Variants in CNTN4 observed in about 807,000 individuals in gnomAD.
CNTN4 encodes the protein contactin 4.
CNTN4 carries 77 observed loss-of-function variants against 122.5 expected under a neutral mutation model. The ratio of observed to expected loss-of-function variants is 0.63; its 90% confidence interval spans 0.52 to 0.76. The LOEUF is 0.76. Among genes scored for constraint, CNTN4 ranks in the 30% least tolerant of loss-of-function variants. CNTN4 has a pLI of 0.00. For missense variants in CNTN4, 1,256 were observed against 1,259.1 expected, an observed-to-expected ratio of 1.00 and a Z score of 0.04; for synonymous variants, 512 against 447.0, an observed-to-expected ratio of 1.15 and a Z score of -1.83.
chr3:2,797,594 G>A (rs972334114), intron 6 of CNTN4, among the ~76,000 whole-genome samples: 3 of 152,010 alleles, frequency 2.0e-5, no homozygotes, highest in African/African-American at 4.8e-5. Flanking sequence ...GCGAAACTCC[G>A]CCTCAAAAAC....
intron 2 of CNTN4, among the ~76,000 whole-genome samples, chr3:2,274,190 C>G (rs181672008): frequency 6.6e-6 from 1 of 152,096 alleles, no homozygotes; most frequent in Non-Finnish European, 1.5e-5. Context: ...CAAAACCAGC[C>G]TGTCCAACAT....
intron 3 of CNTN4, among the ~76,000 whole-genome samples, chr3:2,446,154 T>G (rs1182576448): frequency 1.3e-5 from 2 of 152,192 alleles, no homozygotes; most frequent in Non-Finnish European, 2.9e-5. Context: ...AAAATTCCCC[T>G]TAACCTTGGA....
At position 2,188,448 on chromosome 3, in the gene CNTN4, G is replaced by C. The variant is rs555336708; in HGVS notation, c.-145+87809G>C. Among the ~76,000 whole-genome samples, 3 of 152,272 alleles carry C rather than the reference G, an allele frequency of 2.0e-5. No homozygotes were observed. In the South Asian group the frequency reaches 6.2e-4, roughly 32 times the overall value. ...TAGGATGAAAAGGTCAAGTTCTCCT[G>C]AGGAAGATTGGGAGCTGGAGGGATG... On this transcript the variant is annotated intron_variant, in intron 2 of 24. Coordinates refer to ENST00000418658, the MANE Select transcript of CNTN4 (RefSeq NM_175607.3).
chr3:2,290,916 G>A (rs1035767536), intron 2 of CNTN4, among the ~76,000 whole-genome samples: 7 of 152,086 alleles, frequency 4.6e-5, no homozygotes, highest in Non-Finnish European at 8.8e-5. Flanking sequence ...AAGAAAAATC[G>A]ACACTATAGG....
chr3:2,463,580 T>A (rs960300488), intron 3 of CNTN4, among the ~76,000 whole-genome samples: 1 of 152,014 alleles, frequency 6.6e-6, no homozygotes, highest in African/African-American at 2.4e-5. Context: ...GGCAACATGG[T>A]GAAACCCCAT....
chr3:2,821,203 C>T (rs1357280465), intron 7 of CNTN4, among the ~76,000 whole-genome samples: 4 of 152,018 alleles, frequency 2.6e-5, no homozygotes, highest in African/African-American at 7.3e-5. Flanking sequence ...GTGATCCACC[C>T]ACCTTGGCCT....
At chr3:2,636,291 G>A (rs2082654938) in intron 4 of CNTN4, among the ~76,000 whole-genome samples, 1 of 152,186 alleles carries the variant, frequency 6.6e-6, no homozygotes, top group Admixed American at 6.5e-5. Flanking sequence ...TCAGGCATCA[G>A]AATGTACTTC....
At chr3:2,913,408 C>G (rs2094322030) in intron 12 of CNTN4, among the ~76,000 whole-genome samples, 1 of 152,142 alleles carries the variant, frequency 6.6e-6, no homozygotes, top group Admixed American at 6.5e-5. Context: ...TATATGCTCT[C>G]TGTAAGAGAC....
At chr3:2,842,802 TCTTGGTACC>T (rs2093387037) in intron 7 of CNTN4, among the ~76,000 whole-genome samples, 1 of 152,214 alleles carries the variant, frequency 6.6e-6, no homozygotes, top group African/African-American at 2.4e-5. Context: ...GCTATAACTC[TCTTGGTACC>T]CCCTTTAAAT....
At chr3:2,685,148 C>T (rs1048556245) in intron 4 of CNTN4, among the ~76,000 whole-genome samples, 10 of 152,034 alleles carry the variant, frequency 6.6e-5, no homozygotes, top group Non-Finnish European at 1.5e-4. Context: ...TGGTCTTTAA[C>T]CTAAAAATGT....
rs151131462 is a variant in CNTN4, at chr3:2,392,017, C to T, written c.-89+52784C>T. On this transcript the variant is annotated intron_variant, in intron 3 of 24. Coordinates refer to ENST00000418658, the MANE Select transcript of CNTN4 (RefSeq NM_175607.3). ...TATGTTAGAATTATTGTAGCTGCTT[C>T]TTATGCATCTCAGATTAGAACTGAA... Among the ~76,000 whole-genome samples the T allele has an allele frequency of 6.0e-3, 910 of 152,250 alleles. 11 individuals are homozygous for T. The highest frequency in any genetic ancestry group is 0.021 in the African/African-American group (875 of 41,558).
intron 3 of CNTN4, among the ~76,000 whole-genome samples, chr3:2,448,869 T>G (rs1176494039): frequency 6.6e-6 from 1 of 152,188 alleles, no homozygotes; most frequent in Non-Finnish European, 1.5e-5. Flanking sequence ...AAGCATCGTG[T>G]GAATGATGAG....
At chr3:2,933,775 T>C (rs1210697745) in intron 13 of CNTN4, among the ~76,000 whole-genome samples, 6 of 152,092 alleles carry the variant, frequency 3.9e-5, no homozygotes, top group Non-Finnish European at 8.8e-5. Flanking sequence ...AAACTGGAAG[T>C]ATAGATCTGA....
intron 2 of CNTN4, among the ~76,000 whole-genome samples, chr3:2,263,241 G>A (rs1206960274): frequency 6.6e-6 from 1 of 152,022 alleles, no homozygotes; most frequent in East Asian, 1.9e-4. Flanking sequence ...AACTACATGT[G>A]GGCAAGGACT....
At chr3:2,711,145 T>C (rs2087122969) in intron 4 of CNTN4, among the ~76,000 whole-genome samples, 2 of 152,138 alleles carry the variant, frequency 1.3e-5, no homozygotes, top group South Asian at 4.1e-4. Flanking sequence ...CAACATAGTG[T>C]CACACACAGC....
At chr3:3,010,915 G>C (rs1697162345) in intron 14 of CNTN4, among the ~76,000 whole-genome samples, 1 of 152,130 alleles carries the variant, frequency 6.6e-6, no homozygotes, top group Admixed American at 6.5e-5. Flanking sequence ...TTGAAATGCA[G>C]ATCTCCACTA....
rs552969281 is a variant in CNTN4 at position 2,887,537 on chromosome 3, C to T, written c.940+313C>T. Among the ~76,000 whole-genome samples the T allele has an allele frequency of 3.2e-4, 49 of 151,942 alleles. 1 individual carries two copies. In the East Asian group the frequency reaches 9.1e-3, roughly 28 times the overall value. Reference sequence around the variant, plus strand: ...CAAGCTGTAAACCTGACACAGGAAACGTTTTATTATTCCTACTCCTGATTT... The same window carrying T: ...CAAGCTGTAAACCTGACACAGGAAATGTTTTATTATTCCTACTCCTGATTT... On this transcript the variant is annotated intron_variant, in intron 10 of 24. Coordinates refer to ENST00000418658, the MANE Select transcript of CNTN4 (RefSeq NM_175607.3).
intron 4 of CNTN4, among the ~76,000 whole-genome samples, chr3:2,706,056 A>G (rs1303176371): frequency 1.4e-5 from 2 of 146,626 alleles, no homozygotes; most frequent in Non-Finnish European, 3.0e-5. Flanking sequence ...AAACATATAT[A>G]TATAGGCTTT....
At chr3:2,489,366 AT>A (rs1458045327) in intron 3 of CNTN4, among the ~76,000 whole-genome samples, 8 of 152,190 alleles carry the variant, frequency 5.3e-5, no homozygotes, top group African/African-American at 2.4e-5. Flanking sequence ...CATTTTACTT[AT>A]TTGAATGAAA....
Sources: gnomAD v4.1 joint callset for allele counts (sites outside exome capture counted in the v4.1 genomes callset) on GRCh38, gnomAD v4.1.1 for gene constraint, MANE v1.5 for transcripts, NCBI Gene and HGNC (gene_info 2026-07-23, HGNC 2026-07-21) for gene names.